LYRM4: variants seen among roughly 807,000 people sequenced by gnomAD.
The protein encoded by LYRM4 is LYR motif containing 4, also known as LYR motif-containing protein 4.
LYRM4 carries 9 observed loss-of-function variants against 11.7 expected under a neutral mutation model. The observed-to-expected ratio is 0.77, with a 90% CI of 0.46 to 1.34. The LOEUF (loss-of-function observed/expected upper bound fraction) is 1.34, where lower values mean the gene tolerates loss of function less well. LYRM4 is among the 40% of genes most tolerant of loss of function. The pLI, the probability that LYRM4 is intolerant of heterozygous loss-of-function variation, is 0.00. For missense variants in LYRM4, 133 were observed against 112.5 expected (o/e 1.18, Z -0.82); for synonymous variants, 42 against 40.4 (o/e 1.04, Z -0.15).
intron 1 of LYRM4, among the ~76,000 whole-genome samples, chr6:5,227,938 AC>A (rs1406180797): frequency 6.6e-6 from 1 of 152,140 alleles, no homozygotes; most frequent in East Asian, 1.9e-4. Context: ...AACAATGAGA[AC>A]ACATGGACAC....
chr6:5,053,078 G>A, the LYRM4 span, among the ~76,000 whole-genome samples: 1 of 152,194 alleles, frequency 6.6e-6, no homozygotes, highest in Non-Finnish European at 1.5e-5. Flanking sequence ...TTGGTGCTAT[G>A]TAGTACTTGT....
At chr6:5,215,834 AC>A (rs1762243636) in intron 2 of LYRM4, among the ~76,000 whole-genome samples, 2 of 152,232 alleles carry the variant, frequency 1.3e-5, no homozygotes, top group Admixed American at 1.3e-4. Context: ...AAAGGGAAAC[AC>A]GAATGGAAGC....
chr6:5,260,598 T>TGCCCCGGCCCCGGGCCCCCCCCCCCCG, intron 1 of LYRM4, 50 bp downstream of exon 1: 1 of 1,105,570 alleles, frequency 9.0e-7, no homozygotes, highest in Non-Finnish European at 1.3e-6. Flanking sequence ...GCACCCCCGG[T>TGCCCCGGCCCCGGGCCCCCCCCCCCCG]CCCCGGCCCC....
At chr6:5,151,753 A>G (rs985953089) in intron 2 of LYRM4, among the ~76,000 whole-genome samples, 1 of 152,224 alleles carries the variant, frequency 6.6e-6, no homozygotes, top group Non-Finnish European at 1.5e-5. Context: ...CTTATCTATA[A>G]AGTGGGATAA....
chr6:5,031,849 TTAGG>T, the LYRM4 span: 1 of 152,162 alleles, frequency 6.6e-6, no homozygotes, highest in African/African-American at 2.4e-5. Flanking sequence ...AATATCTCAC[TTAGG>T]TAGAGTGCAA....
chr6:5,065,457 T>A, the LYRM4 span, among the ~76,000 whole-genome samples: 1 of 152,248 alleles, frequency 6.6e-6, no homozygotes, highest in South Asian at 2.1e-4. Context: ...GTTTACTTTC[T>A]AAGCTTAATA....
chr6:5,037,788 G>A, the LYRM4 span, among the ~76,000 whole-genome samples: 3 of 60,016 alleles, frequency 5.0e-5, no homozygotes, highest in Admixed American at 2.2e-4. Context: ...CTCACCTCCC[G>A]GACGGGGCGG....
At chr6:5,182,800 A>G (rs1760155359) in intron 2 of LYRM4, among the ~76,000 whole-genome samples, 1 of 152,192 alleles carries the variant, frequency 6.6e-6, no homozygotes, top group African/African-American at 2.4e-5. Flanking sequence ...GTTAAATCTA[A>G]TTTTGCTTGA....
chr6:5,152,789 T>C (rs1276829482), intron 2 of LYRM4, among the ~76,000 whole-genome samples: 2 of 152,272 alleles, frequency 1.3e-5, no homozygotes, highest in Middle Eastern at 3.4e-3. Flanking sequence ...TGTTGGCTGG[T>C]AGGAATTCCA....
chr6:5,162,511 G>GAGAGATAGAGAGAA, intron 2 of LYRM4, among the ~76,000 whole-genome samples: 1 of 147,742 alleles, frequency 6.8e-6, no homozygotes, highest in East Asian at 2.0e-4. Flanking sequence ...GAGAGAGAGA[G>GAGAGATAGAGAGAA]AGAGAGAGAG....
intron 1 of LYRM4, among the ~76,000 whole-genome samples, chr6:5,245,705 G>T (rs1393780087): frequency 6.6e-6 from 1 of 152,174 alleles, no homozygotes; most frequent in East Asian, 1.9e-4. Flanking sequence ...ATTCAGATCA[G>T]AACAAAATAA....
chr6:5,223,104 CTCCA>C (rs1444611686), intron 1 of LYRM4, among the ~76,000 whole-genome samples: 1 of 152,164 alleles, frequency 6.6e-6, no homozygotes, highest in Non-Finnish European at 1.5e-5. Flanking sequence ...AAACCCTGGA[CTCCA>C]AGGTTAAGAG....
chr6:5,134,800 G>T (rs1756981857), intron 2 of LYRM4, among the ~76,000 whole-genome samples: 1 of 151,928 alleles, frequency 6.6e-6, no homozygotes, highest in Non-Finnish European at 1.5e-5. Context: ...CTTCGTCATT[G>T]CAACTAACAA....
intron 2 of LYRM4, among the ~76,000 whole-genome samples, chr6:5,129,728 A>C (rs1225818253): frequency 6.6e-6 from 1 of 152,234 alleles, no homozygotes; most frequent in Non-Finnish European, 1.5e-5. Context: ...TCAGCCTACC[A>C]GATCTTCCTT....
intron 2 of LYRM4, among the ~76,000 whole-genome samples, chr6:5,145,510 G>A (rs1757670766): frequency 6.6e-6 from 1 of 152,168 alleles, no homozygotes; most frequent in East Asian, 1.9e-4. Context: ...GACGGCGAGG[G>A]CGAGGCTGCG....
At chr6:5,159,186 C>T (rs1002824481) in intron 2 of LYRM4, among the ~76,000 whole-genome samples, 6 of 152,234 alleles carry the variant, frequency 3.9e-5, no homozygotes, top group African/African-American at 1.4e-4. Flanking sequence ...GTAGGATGGT[C>T]CCCATGGGGT....
chr6:5,085,760 T>TA, the LYRM4 span: 1 of 1,537,010 alleles, frequency 6.5e-7, no homozygotes, highest in Non-Finnish European at 8.8e-7. Context: ...GCCGACCCCA[T>TA]CTTGCAGGCG....
the LYRM4 span, chr6:5,089,208 A>G: frequency 3.3e-5 from 5 of 152,330 alleles, no homozygotes; most frequent in East Asian, 7.7e-4. Context: ...TAAATGATAA[A>G]ATGAAACAAT....
chr6:5,204,422 A>T (rs1164835602), intron 2 of LYRM4, among the ~76,000 whole-genome samples: 1 of 152,164 alleles, frequency 6.6e-6, no homozygotes, highest in African/African-American at 2.4e-5. Flanking sequence ...GGTGTGAAAG[A>T]AAAGCAGAAT....
Sources: gnomAD v4.1 joint callset for allele counts (sites outside exome capture counted in the v4.1 genomes callset) on GRCh38, gnomAD v4.1.1 for gene constraint, MANE v1.5 for transcripts, NCBI Gene and HGNC (gene_info 2026-07-23, HGNC 2026-07-21) for gene names.